Variants in SMARCD3 observed in about 807,000 individuals in gnomAD.
SMARCD3 encodes SWI/SNF-related matrix-associated actin-dependent regulator of chromatin subfamily D member 3.
SMARCD3 carries 14 observed loss-of-function variants against 58.0 expected under a neutral mutation model. The observed-to-expected ratio is 0.24, with a 90% confidence interval of 0.16 to 0.38. The LOEUF is 0.38. Ranked by LOEUF, SMARCD3 falls within the 10% of genes least tolerant of loss-of-function variation. The pLI is 1.00. For missense variants in SMARCD3, 408 were observed against 636.9 expected, an observed-to-expected ratio of 0.64 and a Z score of 3.87; for synonymous variants, 253 against 253.8, an observed-to-expected ratio of 1.00 and a Z score of 0.03.
upstream of SMARCD3, among the ~76,000 whole-genome samples, chr7:151,251,789 C>G (rs1803521043): frequency 1.3e-5 from 2 of 151,754 alleles, no homozygotes; most frequent in Non-Finnish European, 1.5e-5. Context: ...GAAGCACCAC[C>G]AGCACCAAAT....
At position 151,268,871 on chromosome 7, in the gene SMARCD3, C is replaced by T. The variant is rs376537722; in HGVS notation, c.39+6243G>A. Among the ~76,000 whole-genome samples, 6 of 151,948 alleles carry T rather than the reference C, an allele frequency of 3.9e-5. 1 individual carries two copies. The highest frequency in any genetic ancestry group is 4.2e-4 in the South Asian group (2 of 4,814). ...TTCCTGCCTTGGCCTCCCAAAGTGCCGAGATTACAGGCATGAACCACTGCG... is the reference window on the plus strand; with the variant it reads ...TTCCTGCCTTGGCCTCCCAAAGTGCTGAGATTACAGGCATGAACCACTGCG... On this transcript the variant is annotated intron_variant, in intron 2 of 13. Transcript: ENST00000356800.
intron 2 of SMARCD3, among the ~76,000 whole-genome samples, chr7:151,257,651 A>C (rs1266783540): frequency 1.3e-5 from 2 of 152,014 alleles, no homozygotes; most frequent in East Asian, 1.9e-4. Flanking sequence ...TCCTCTTTCA[A>C]TTATTTCCTC....
At chr7:151,259,920 A>G (rs948629334) in intron 2 of SMARCD3, among the ~76,000 whole-genome samples, 1 of 152,086 alleles carries the variant, frequency 6.6e-6, no homozygotes, top group African/African-American at 2.4e-5. Flanking sequence ...AAGACTTGTT[A>G]TCATAGGAGT....
intron 2 of SMARCD3, among the ~76,000 whole-genome samples, chr7:151,244,255 C>T (rs1803148477): frequency 6.6e-6 from 1 of 151,734 alleles, no homozygotes; most frequent in African/African-American, 2.4e-5. Context: ...GGTACTCATG[C>T]CCTGGGACTA....
Position 151,245,484 on chromosome 7 carries a change from G to A in SMARCD3, c.266C>T (p.Pro89Leu). Residue 89 changes from proline (P) to leucine (L), a missense_variant, in exon 2 of 13, where the codon CCC becomes CTC. By Grantham distance (98) the Pro-to-Leu change is moderately conservative. This residue lies in a region of SMARCD3 where 128 missense variants were observed against 188.8 expected (regional missense o/e 0.68). Coordinates refer to ENST00000262188, the MANE Select transcript of SMARCD3 (RefSeq NM_001003801.2). This position sits in a 1 kb window ranked among gnomAD's most constrained non-coding sequence, Gnocchi z 6.2. Reference sequence around the variant, plus strand: ...CCTGCGGCTCCGCGCGGGGGCGGTGGGCACCGGCTGGCCCTGGCTCTGTGC... The same window carrying A: ...CCTGCGGCTCCGCGCGGGGGCGGTGAGCACCGGCTGGCCCTGGCTCTGTGC... ...SQAQSQGQPV[P>L]TAPARSRSAK... The A allele has an allele frequency of 1.6e-6, 2 of 1,224,260 alleles. No individual in the cohort carries two copies. Among genetic ancestry groups the A allele is most frequent in the Non-Finnish European group, 2.0e-6 (2 of 982,496 alleles). 75.8% of individuals were successfully genotyped at this position (1,224,260 alleles called of 1,614,324 possible). A position where few individuals can be genotyped will look rare whatever the true frequency, so the allele number is the denominator to read the frequency against.
chr7:151,239,245 G>C lies in SMARCD3; in HGVS notation c.1399-89C>G. On this transcript the variant is annotated intron_variant, in intron 12 of 12. Transcript: ENST00000262188. The surrounding 1 kb of genome is among the most constrained non-coding windows in gnomAD (Gnocchi z 7.0). ...CCTACTGACACCGCCTGCCCTGAAA[G>C]AGCATCTGGGAGCAGGGAGGGCCAT... 6.9e-7 allele frequency: 1 copy of C among 1,442,642 alleles called. No homozygotes were observed. Among genetic ancestry groups the C allele is most frequent in the Non-Finnish European group, 9.8e-7 (1 of 1,024,838 alleles). The allele number at this position is 1,442,642 out of a possible 1,614,324, so 89.4% of individuals were successfully genotyped here. A position where few individuals can be genotyped will look rare whatever the true frequency, so the allele number is the denominator to read the frequency against.
At chr7:151,255,241 T>C (rs1757344305) in intron 2 of SMARCD3, among the ~76,000 whole-genome samples, 1 of 152,166 alleles carries the variant, frequency 6.6e-6, no homozygotes, top group Admixed American at 6.5e-5. Flanking sequence ...CCCCAGCCCC[T>C]GAAACCCTCC....
At position 151,242,686 on chromosome 7, in the gene SMARCD3, T is replaced by C. The variant is rs143401374; in HGVS notation, c.456+35A>G. 2.5e-5 allele frequency: 40 copies of C among 1,613,664 alleles called. No homozygotes were observed. The East Asian group carries it at 8.9e-4, about 36-fold the overall frequency. ...TGCTTCCCCATCCTGGTCACACAAC[T>C]CTAGAGTCCCCTTCCTACCCCCGAA... On this transcript the variant is annotated intron_variant, in intron 4 of 12. Coordinates refer to ENST00000262188, the MANE Select transcript of SMARCD3 (RefSeq NM_001003801.2). This position sits in a 1 kb window ranked among gnomAD's most constrained non-coding sequence, Gnocchi z 4.7.
At chr7:151,259,181 G>A (rs368155312) in intron 2 of SMARCD3, among the ~76,000 whole-genome samples, 54 of 151,844 alleles carry the variant, frequency 3.6e-4, no homozygotes, top group African/African-American at 1.2e-3. Context: ...GTGAAACCCC[G>A]TCTCTACTAA....
intron 2 of SMARCD3, among the ~76,000 whole-genome samples, chr7:151,259,615 T>TGTTGTTTG (rs1198858368): frequency 0.042 from 5,684 of 134,256 alleles, 251 homozygotes; most frequent in Non-Finnish European, 0.063. Context: ...TTTTTTTTTT[T>TGTTGTTTG]TTTTTTTTTT....
In SMARCD3 at chr7:151,239,905, G is replaced by A. The variant is rs538676059; in HGVS notation, c.1174-159C>T. 5.9e-5 allele frequency among the ~76,000 whole-genome samples: 9 copies of A among 152,114 alleles called. No homozygotes were observed. In the South Asian group the frequency reaches 1.9e-3, roughly 32 times the overall value. ...CTGAAGTCCCAGGGGAGGAGGGGAT[G>A]GGCAGAACTAAACTTGGAATGAGGT... On this transcript the variant is annotated intron_variant, in intron 10 of 12. Transcript: ENST00000262188. This position sits in a 1 kb window ranked among gnomAD's most constrained non-coding sequence, Gnocchi z 7.0.
chr7:151,268,767 C>A (rs1402102280), intron 2 of SMARCD3, among the ~76,000 whole-genome samples: 1 of 151,790 alleles, frequency 6.6e-6, no homozygotes, highest in East Asian at 1.9e-4. Flanking sequence ...ACAAAATTCT[C>A]TCTCTTTTTT....
chr7:151,265,461 A>G (rs528776732), intron 2 of SMARCD3, among the ~76,000 whole-genome samples: 2 of 152,324 alleles, frequency 1.3e-5, no homozygotes, highest in East Asian at 3.9e-4. Flanking sequence ...CTGTTGTTTA[A>G]GCTGCCAGGT....
rs753730104 is a variant in SMARCD3 at position 151,243,692 on chromosome 7, C to T, written c.300G>A (p.Arg100=). 7 of 1,611,052 alleles carry T rather than the reference C, an allele frequency of 4.3e-6. No individual in the cohort carries two copies. The South Asian group carries it at 7.7e-5, about 18-fold the overall frequency. Residue 100 remains arginine, a synonymous_variant, in exon 3 of 13, where the codon AGG becomes AGA. Transcript: ENST00000262188. The surrounding 1 kb of genome is among the most constrained non-coding windows in gnomAD (Gnocchi z 4.4). ...GGAGGATTTTGTCAGCCATCTTCCT[C>T]CTCTTGGCACTGTACATTTTTTAAA... ...TAPARSRSAK[R]RKMADKILPQ...
chr7:151,262,547 G>C (rs1348198329), intron 2 of SMARCD3, among the ~76,000 whole-genome samples: 1 of 152,210 alleles, frequency 6.6e-6, no homozygotes, highest in African/African-American at 2.4e-5. Context: ...CCTCTTTTGG[G>C]GCAGCTCCTG....
chr7:151,258,910 C>T (rs1369136621), intron 2 of SMARCD3, among the ~76,000 whole-genome samples: 1 of 152,160 alleles, frequency 6.6e-6, no homozygotes, highest in Non-Finnish European at 1.5e-5. Context: ...CACAGTCTGT[C>T]TCCCTGATTA....
chr7:151,274,962 A>G, intron 2 of SMARCD3: 1 of 635,606 alleles, frequency 1.6e-6, no homozygotes, highest in Non-Finnish European at 2.9e-6. Context: ...GGAGAGGGAC[A>G]GAGAGGCCCT....
chr7:151,275,299 C>A, intron 1 of SMARCD3: 1 of 708,766 alleles, frequency 1.4e-6, no homozygotes, highest in Admixed American at 2.3e-5. Context: ...TTCAAGGAGG[C>A]CTCGGGAAGC....
intron 2 of SMARCD3, among the ~76,000 whole-genome samples, chr7:151,273,330 G>A (rs1243858021): frequency 3.3e-5 from 5 of 152,184 alleles, no homozygotes; most frequent in African/African-American, 1.2e-4. Context: ...GACCCTTCAG[G>A]AAAGGTCTGG....
Sources: gnomAD v4.1 joint callset for allele counts (sites outside exome capture counted in the v4.1 genomes callset) on GRCh38, gnomAD v4.1.1 for gene constraint, gnomAD v4.1.1 regional missense constraint, Gnocchi (gnomAD v3.1) non-coding constraint, MANE v1.5 for transcripts, NCBI Gene and HGNC (gene_info 2026-07-23, HGNC 2026-07-21) for gene names.